The following LSAMP variants were observed in gnomAD, a reference collection of about 807,000 sequenced individuals.
LSAMP encodes the protein limbic system associated membrane protein.
In LSAMP, 7 loss-of-function variants were observed where a neutral mutation model predicts 38.6. The observed-to-expected ratio is 0.18, with a 90% CI of 0.10 to 0.34. The LOEUF (loss-of-function observed/expected upper bound fraction) is 0.34. Among genes scored for constraint, LSAMP ranks in the 10% least tolerant of loss-of-function variants. The pLI, the probability that LSAMP is intolerant of heterozygous loss-of-function variation, is 1.00. For synonymous variants in LSAMP, 154 were observed against 166.8 expected (o/e 0.92, Z 0.59); for missense variants, 313 against 420.0 (o/e 0.75, Z 2.23).
At chr3:116,391,813 AC>A (rs1208608468) in intron 1 of LSAMP, among the ~76,000 whole-genome samples, 1 of 151,972 alleles carries the variant, frequency 6.6e-6, no homozygotes, top group Non-Finnish European at 1.5e-5. Context: ...CACTGCACTC[AC>A]CCCCAACTGA....
At chr3:116,015,885 C>T (rs186433033) in intron 3 of LSAMP, among the ~76,000 whole-genome samples, 8 of 152,220 alleles carry the variant, frequency 5.3e-5, no homozygotes, top group Admixed American at 2.6e-4. Context: ...GTGAACCCTG[C>T]GTAGAATCTT....
At chr3:116,357,961 A>C (rs756680136) in intron 1 of LSAMP, among the ~76,000 whole-genome samples, 21 of 152,076 alleles carry the variant, frequency 1.4e-4, no homozygotes, top group Non-Finnish European at 2.6e-4. Context: ...TAGGAAAGTA[A>C]AACACCAGGA....
chr3:116,106,216 A>G (rs1208803556), intron 1 of LSAMP, among the ~76,000 whole-genome samples: 2 of 152,188 alleles, frequency 1.3e-5, no homozygotes, highest in Admixed American at 6.5e-5. Flanking sequence ...AGTTTAGAGT[A>G]GCAGTTTGGG....
intron 3 of LSAMP, among the ~76,000 whole-genome samples, chr3:115,859,282 C>G (rs367703822): frequency 2.0e-5 from 3 of 152,134 alleles, no homozygotes; most frequent in South Asian, 4.1e-4. Flanking sequence ...GGGGTAGATG[C>G]AGTCGTCAAA....
At chr3:115,892,924 A>G (rs1936636969) in intron 3 of LSAMP, among the ~76,000 whole-genome samples, 1 of 151,588 alleles carries the variant, frequency 6.6e-6, no homozygotes, top group African/African-American at 2.4e-5. Context: ...TCACAGAACT[A>G]CAAATATTGG....
At chr3:116,013,252 A>G (rs1168487693) in intron 3 of LSAMP, among the ~76,000 whole-genome samples, 1 of 152,196 alleles carries the variant, frequency 6.6e-6, no homozygotes, top group Non-Finnish European at 1.5e-5. Context: ...GATCTTCTCA[A>G]TGACTTAAAG....
chr3:115,966,007 C>T (rs375717676), intron 3 of LSAMP, among the ~76,000 whole-genome samples: 1 of 152,286 alleles, frequency 6.6e-6, no homozygotes, highest in East Asian at 1.9e-4. Context: ...TAAGATTTCT[C>T]TATTGTTAGC....
chr3:116,356,996 T>C (rs1053559994), intron 1 of LSAMP, among the ~76,000 whole-genome samples: 4 of 152,140 alleles, frequency 2.6e-5, no homozygotes, highest in African/African-American at 9.7e-5. Context: ...GGTTTCACCG[T>C]GTTAGCCAGG....
intron 1 of LSAMP, among the ~76,000 whole-genome samples, chr3:116,215,424 C>T (rs2046207775): frequency 6.6e-6 from 1 of 152,044 alleles, no homozygotes; most frequent in Admixed American, 6.6e-5. Context: ...GCACTCACTG[C>T]CTTAGGACCT....
At chr3:116,112,314 G>A (rs901470600) in intron 1 of LSAMP, among the ~76,000 whole-genome samples, 11 of 152,128 alleles carry the variant, frequency 7.2e-5, no homozygotes, top group Admixed American at 3.3e-4. Flanking sequence ...ATAAAAGGAC[G>A]CATAAGTATG....
intron 1 of LSAMP, among the ~76,000 whole-genome samples, chr3:116,408,372 G>C (rs980241140): frequency 6.6e-6 from 1 of 152,012 alleles, no homozygotes; most frequent in Non-Finnish European, 1.5e-5. Flanking sequence ...AAATTTATTT[G>C]AAATTGACAA....
intron 1 of LSAMP, among the ~76,000 whole-genome samples, chr3:116,439,569 C>T (rs1184884639): frequency 6.6e-6 from 1 of 152,108 alleles, no homozygotes; most frequent in East Asian, 1.9e-4. Flanking sequence ...AAAGAATTCT[C>T]TGAAGTCTAA....
At chr3:116,252,031 A>G (rs1249673247) in intron 1 of LSAMP, among the ~76,000 whole-genome samples, 1 of 152,188 alleles carries the variant, frequency 6.6e-6, no homozygotes, top group African/African-American at 2.4e-5. Context: ...AGACAGACAA[A>G]AAGCCAGTAT....
intron 1 of LSAMP, among the ~76,000 whole-genome samples, chr3:116,233,715 CA>C (rs1044275959): frequency 5.1e-4 from 78 of 151,540 alleles, no homozygotes; most frequent in African/African-American, 1.8e-3. Context: ...TCCCCGCCAC[CA>C]AAAAAAGAAA....
At chr3:116,192,588 G>A (rs1347618574) in intron 1 of LSAMP, among the ~76,000 whole-genome samples, 3 of 152,190 alleles carry the variant, frequency 2.0e-5, no homozygotes, top group African/African-American at 7.2e-5. Context: ...TAAGTTGGAA[G>A]ATGTGAAGGC....
intron 3 of LSAMP, among the ~76,000 whole-genome samples, chr3:115,918,881 G>A (rs1937317475): frequency 6.6e-6 from 1 of 152,064 alleles, no homozygotes; most frequent in African/African-American, 2.4e-5. Flanking sequence ...TTCCTTACAT[G>A]TATTTTTCTC....
At chr3:116,222,770 T>C (rs1164806171) in intron 1 of LSAMP, among the ~76,000 whole-genome samples, 3 of 124,844 alleles carry the variant, frequency 2.4e-5, no homozygotes, top group Non-Finnish European at 4.9e-5. Context: ...ATGGAGTCTC[T>C]GTTCGCCCAG....
At chr3:116,003,176 G>T (rs1486114977) in intron 3 of LSAMP, among the ~76,000 whole-genome samples, 1 of 152,104 alleles carries the variant, frequency 6.6e-6, no homozygotes, top group Non-Finnish European at 1.5e-5. Context: ...TTATATGACT[G>T]AAGGAAGTCA....
intron 1 of LSAMP, among the ~76,000 whole-genome samples, chr3:116,155,849 C>T (rs1709735038): frequency 6.6e-6 from 1 of 152,148 alleles, no homozygotes; most frequent in South Asian, 2.1e-4. Context: ...TTATCTGCCA[C>T]AGATTTGTTA....
Sources: allele counts gnomAD v4.1 joint callset (sites outside exome capture counted in the v4.1 genomes callset), GRCh38; gene constraint gnomAD v4.1.1; transcripts MANE v1.5; gene names NCBI Gene and HGNC (gene_info 2026-07-23, HGNC 2026-07-21).